The following BTG4 variants were observed in gnomAD, a reference collection of about 807,000 sequenced individuals.
BTG4 encodes the protein BTG anti-proliferation factor 4.
Under a neutral mutation model 19.3 loss-of-function variants are expected in BTG4, and 10 were observed. The observed-to-expected ratio is 0.52, with a 90% CI of 0.32 to 0.88. BTG4 has a LOEUF of 0.88. Among genes scored for constraint, BTG4 ranks in the 40% least tolerant of loss-of-function variants. BTG4 has a pLI of 0.04. For missense variants in BTG4, 238 were observed against 281.9 expected, an observed-to-expected ratio of 0.84 and a Z score of 1.11; for synonymous variants, 91 against 95.7, an observed-to-expected ratio of 0.95 and a Z score of 0.29.
the BTG4 span, among the ~76,000 whole-genome samples, chr11:111,458,908 C>A: frequency 6.6e-6 from 1 of 152,172 alleles, no homozygotes; most frequent in African/African-American, 2.4e-5. Context: ...ACTAACCCCT[C>A]CCTGCCACTG....
At chr11:111,455,460 A>C in the BTG4 span, 1 of 234,318 alleles carries the variant, frequency 4.3e-6, no homozygotes, top group Non-Finnish European at 8.8e-6. Context: ...GTACGCAGCC[A>C]GCCTTCGTCA....
chr11:111,467,715 G>T (rs769477321), intron 5 of BTG4: 4 of 738,858 alleles, frequency 5.4e-6, no homozygotes, highest in Non-Finnish European at 9.9e-6. Context: ...AAAGCAAAAA[G>T]AACAAATTTT....
chr11:111,494,787 G>C (rs1865618421), downstream of BTG4: 1 of 767,108 alleles, frequency 1.3e-6, no homozygotes, highest in Admixed American at 6.2e-5. Flanking sequence ...TTAAAAGTTT[G>C]TTTCTTGCAA....
chr11:111,430,825 G>T, the BTG4 span, among the ~76,000 whole-genome samples: 11 of 152,176 alleles, frequency 7.2e-5, no homozygotes, highest in Non-Finnish European at 1.5e-4. Context: ...TGGTTGTTTT[G>T]ATGCCAAAAC....
chr11:111,441,219 C>T, the BTG4 span, among the ~76,000 whole-genome samples: 1 of 151,682 alleles, frequency 6.6e-6, no homozygotes, highest in Admixed American at 6.6e-5. Flanking sequence ...GTACCCACAA[C>T]CTAACTTAAG....
chr11:111,400,965 A>C, the BTG4 span: 1 of 151,898 alleles, frequency 6.6e-6, no homozygotes, highest in African/African-American at 2.4e-5. Context: ...AGGTCATAAA[A>C]ACAAGACTGA....
chr11:111,459,978 A>C, the BTG4 span, among the ~76,000 whole-genome samples: 1 of 152,116 alleles, frequency 6.6e-6, no homozygotes, highest in Non-Finnish European at 1.5e-5. Flanking sequence ...ACCATAAATC[A>C]TGTATGTCTC....
chr11:111,427,408 C>T, the BTG4 span, among the ~76,000 whole-genome samples: 1 of 152,196 alleles, frequency 6.6e-6, no homozygotes, highest in Non-Finnish European at 1.5e-5. Context: ...AGACATGGGA[C>T]CTCTGCTCAC....
the BTG4 span, among the ~76,000 whole-genome samples, chr11:111,431,469 T>C: frequency 1.3e-5 from 2 of 152,216 alleles, no homozygotes; most frequent in African/African-American, 2.4e-5. Flanking sequence ...GAATTGGAAT[T>C]TGAACACAGA....
rs1359933736 is a variant in BTG4 at position 111,498,009 on chromosome 11, T to C, written c.300A>G (p.Glu100=). 5.6e-6 allele frequency: 9 copies of C among 1,613,992 alleles called. No homozygotes were observed. Among genetic ancestry groups the C allele is most frequent in the Non-Finnish European group, 7.6e-6 (9 of 1,179,912 alleles). ...KEMTIWVDPF[E]VCCRYGEKNH... The stretch of plus-strand genomic sequence containing the variant: ...ATGAGATTACTCACCTACAGCATAC[T>C]TCAAAGGGATCTACCCATATGGTCA... Residue 100 remains glutamate, a synonymous_variant, in exon 3 of 5, where the codon GAA becomes GAG. Coordinates refer to ENST00000692032, the MANE Select transcript of BTG4 (RefSeq NM_001367975.1).
At chr11:111,429,519 G>T in the BTG4 span, among the ~76,000 whole-genome samples, 1 of 152,172 alleles carries the variant, frequency 6.6e-6, no homozygotes, top group African/African-American at 2.4e-5. Context: ...ATCTTCTCAG[G>T]CATAAACAGG....
chr11:111,418,020 C>A, the BTG4 span: 1 of 152,218 alleles, frequency 6.6e-6, no homozygotes, highest in Non-Finnish European at 1.5e-5. Flanking sequence ...GGGGCAGCTG[C>A]ACTGGCTGTG....
chr11:111,491,054 A>G (rs1865385235), downstream of BTG4, among the ~76,000 whole-genome samples: 1 of 152,248 alleles, frequency 6.6e-6, no homozygotes, highest in Non-Finnish European at 1.5e-5. Flanking sequence ...TAAGGAATAA[A>G]CTACCAATAC....
the BTG4 span, among the ~76,000 whole-genome samples, chr11:111,437,158 C>T: frequency 6.6e-6 from 1 of 152,046 alleles, no homozygotes; most frequent in Non-Finnish European, 1.5e-5. Flanking sequence ...AACATCTGCT[C>T]CTCTGACAGG....
chr11:111,452,617 C>A, the BTG4 span: 1 of 152,266 alleles, frequency 6.6e-6, no homozygotes, highest in African/African-American at 2.4e-5. Context: ...TCCACAAGAC[C>A]ACCTCTCCAA....
At chr11:111,404,128 G>A in the BTG4 span, among the ~76,000 whole-genome samples, 1 of 151,910 alleles carries the variant, frequency 6.6e-6, no homozygotes, top group South Asian at 2.1e-4. Flanking sequence ...AAATCTGATG[G>A]TTTTATACAG....
chr11:111,505,840 A>AACATAT (rs1479056908), intron 1 of BTG4, among the ~76,000 whole-genome samples: 53 of 152,312 alleles, frequency 3.5e-4, no homozygotes, highest in African/African-American at 1.3e-3. Flanking sequence ...TCTCAGAAGA[A>AACATAT]GAAATACAAA....
chr11:111,386,122 C>T, the BTG4 span: 7 of 152,324 alleles, frequency 4.6e-5, no homozygotes, highest in African/African-American at 1.7e-4. Flanking sequence ...CGTGCCACTG[C>T]ATTCCAGCCT....
At chr11:111,481,091 C>A (rs599031) in intron 5 of BTG4, among the ~76,000 whole-genome samples, 132,095 of 151,782 alleles carry the variant, frequency 0.87, 59,119 homozygotes, top group East Asian at 1. Context: ...TTACCAATAT[C>A]AAGAATGAAT....
Sources: gnomAD v4.1 joint callset for allele counts (sites outside exome capture counted in the v4.1 genomes callset) on GRCh38, gnomAD v4.1.1 for gene constraint, MANE v1.5 for transcripts, NCBI Gene and HGNC (gene_info 2026-07-23, HGNC 2026-07-21) for gene names.